ARPP21: variants seen among roughly 807,000 people sequenced by gnomAD.
ARPP21 encodes the protein cAMP-regulated phosphoprotein 21.
ARPP21 carries 69 observed loss-of-function variants against 113.2 expected under a neutral mutation model. The observed-to-expected ratio is 0.61, with a 90% CI of 0.50 to 0.74. ARPP21 has a LOEUF of 0.74. Ranked by LOEUF, ARPP21 falls within the 30% of genes least tolerant of loss-of-function variation. The pLI, the probability that ARPP21 is intolerant of heterozygous loss-of-function variation, is 0.00. For synonymous variants in ARPP21, 368 were observed against 375.5 expected, an observed-to-expected ratio of 0.98 and a Z score of 0.23; for missense variants, 1,070 against 1,037.4, an observed-to-expected ratio of 1.03 and a Z score of -0.43.
chr3:35,745,668 C>T (rs1274755330), intron 19 of ARPP21, among the ~76,000 whole-genome samples: 1 of 152,160 alleles, frequency 6.6e-6, no homozygotes, highest in African/African-American at 2.4e-5. Context: ...AAAGTTTAGG[C>T]CTCCCCCACT....
chr3:35,718,320 A>G (rs1018035156), intron 13 of ARPP21, among the ~76,000 whole-genome samples: 1 of 152,174 alleles, frequency 6.6e-6, no homozygotes, highest in African/African-American at 2.4e-5. Context: ...GTTTATTATG[A>G]AGTCTTCCTT....
intron 16 of ARPP21, 82 bp from the exon 17 acceptor site, chr3:35,738,132 T>C (rs1420787623): frequency 4.7e-6 from 4 of 855,386 alleles, no homozygotes; most frequent in Non-Finnish European, 5.6e-6. Flanking sequence ...CTAGAGAGCC[T>C]ATGAAGGACA....
chr3:35,664,247 CAG>C lies in ARPP21; in HGVS notation c.-212-15537_-212-15536del, dbSNP rs552459059. On this transcript the variant is annotated intron_variant, in intron 1 of 20. Transcript: ENST00000684406. ...TGTATTCATTGTGTAATGATCGAAT[CAG>C]AGTAATTAGCATATCCATCACCTCA... Among the ~76,000 whole-genome samples, 18 of 152,232 alleles carry C rather than the reference CAG, an allele frequency of 1.2e-4. No homozygotes were observed. The South Asian group carries it at 2.3e-3, about 19-fold the overall frequency.
chr3:35,668,018 AAGAAGAAGAAG>A (rs2075280642), intron 1 of ARPP21, among the ~76,000 whole-genome samples: 1 of 136,798 alleles, frequency 7.3e-6, no homozygotes, highest in Non-Finnish European at 1.6e-5. Context: ...GAAGAAGAAG[AAGAAGAAGAAG>A]AAGGAGAAGA....
chr3:35,681,614 T>C, intron 2 of ARPP21, 100 bp from the exon 3 acceptor site: 1 of 644,878 alleles, frequency 1.6e-6, no homozygotes, highest in Admixed American at 3.0e-5. Flanking sequence ...TTCTCAAAAT[T>C]GCTCATTTGG....
At chr3:35,682,949 A>T in intron 4 of ARPP21, 60 bp downstream of exon 4, 1 of 1,457,612 alleles carries the variant, frequency 6.9e-7, no homozygotes, top group Non-Finnish European at 9.4e-7. Context: ...CATATTTTAC[A>T]TCAGAGTTAA....
At chr3:35,643,636 G>A (rs1341643302) in intron 1 of ARPP21, 1 of 152,036 alleles carries the variant, frequency 6.6e-6, no homozygotes, top group Admixed American at 6.5e-5. Context: ...ATACAAGGTA[G>A]CCAGAAGTGA....
intron 1 of ARPP21, among the ~76,000 whole-genome samples, chr3:35,662,820 T>A (rs1708427723): frequency 6.6e-6 from 1 of 151,332 alleles, no homozygotes; most frequent in Admixed American, 6.6e-5. Context: ...GTAAAAAAAA[T>A]TAACAAAGAT....
chr3:35,681,458 G>T (rs761423352), intron 2 of ARPP21: 19 of 276,454 alleles, frequency 6.9e-5, no homozygotes, highest in Non-Finnish European at 1.2e-4. Context: ...GGAGTTATGT[G>T]TCTCTAAGAT....
At chr3:35,739,609 A>T in intron 18 of ARPP21, 32 bp downstream of exon 18, 1 of 1,573,072 alleles carries the variant, frequency 6.4e-7, no homozygotes, top group Non-Finnish European at 8.6e-7. Context: ...TGTGACCTAC[A>T]GCTGATTTCT....
chr3:35,715,682 C>A (rs2092289738), intron 12 of ARPP21: 2 of 382,126 alleles, frequency 5.2e-6, no homozygotes, highest in African/African-American at 2.1e-5. Context: ...TCAGTTAATT[C>A]CAAACAGAAT....
chr3:35,787,961 T>G (rs1170494725), intron 19 of ARPP21, among the ~76,000 whole-genome samples: 1 of 152,190 alleles, frequency 6.6e-6, no homozygotes, highest in Non-Finnish European at 1.5e-5. Context: ...TTTTCTCTTC[T>G]GCAAATGGAG....
chr3:35,683,349 T>C (rs888221128), intron 4 of ARPP21, among the ~76,000 whole-genome samples: 1 of 151,788 alleles, frequency 6.6e-6, no homozygotes. Flanking sequence ...CTCTTCATCC[T>C]TTTAACCATC....
At chr3:35,723,176 A>G (rs551216029) in intron 14 of ARPP21, among the ~76,000 whole-genome samples, 32 of 152,204 alleles carry the variant, frequency 2.1e-4, no homozygotes, top group South Asian at 8.3e-4. Context: ...GAGTTTAGAC[A>G]TGGGCTGCCC....
In ARPP21 at chr3:35,792,620, G is replaced by T. The variant is rs1577103096; in HGVS notation, c.2286+90G>T. ...GGTCTGTCCCTGGTTTGGGTGGCTG[G>T]CTGGGTAATGCGTGCTTGGTCCATA... On this transcript the variant is annotated intron_variant, in intron 20 of 20. Coordinates refer to ENST00000684406, the MANE Select transcript of ARPP21 (RefSeq NM_001385562.1). 5 of 1,129,820 alleles carry T rather than the reference G, an allele frequency of 4.4e-6. 1 individual carries two copies. The highest frequency in any genetic ancestry group is 3.9e-5 in the South Asian group (3 of 77,140). 70.0% of individuals were successfully genotyped at this position (1,129,820 alleles called of 1,614,324 possible).
rs771601376 is a variant in ARPP21 at position 35,681,729 on chromosome 3, T to A, written c.-23T>A. 7 of 1,600,090 alleles carry A rather than the reference T, an allele frequency of 4.4e-6. No individual in the cohort carries two copies. The highest frequency in any genetic ancestry group is 4.3e-6 in the Non-Finnish European group (5 of 1,169,760). On this transcript the variant is annotated 5_prime_UTR_variant, in exon 3 of 21. The change creates a premature stop within an existing upstream ORF in the 5' untranslated region. Coordinates refer to ENST00000684406, the MANE Select transcript of ARPP21 (RefSeq NM_001385562.1). The stretch of plus-strand genomic sequence containing the variant: ...AACCTTCTAGGGCATAAAATCTTGT[T>A]ATTTTAATTTGCATCTGGGAGAATG...
intron 18 of ARPP21, among the ~76,000 whole-genome samples, chr3:35,742,403 G>GT (rs1014595673): frequency 6.6e-6 from 1 of 152,238 alleles, no homozygotes; most frequent in Non-Finnish European, 1.5e-5. Context: ...AGAATTATTT[G>GT]TTTTTTATTG....
intron 19 of ARPP21, among the ~76,000 whole-genome samples, chr3:35,791,984 T>C (rs1004682571): frequency 6.6e-6 from 1 of 152,194 alleles, no homozygotes; most frequent in Non-Finnish European, 1.5e-5. Context: ...AATGAGTCAA[T>C]TTAATTTTAA....
intron 5 of ARPP21, chr3:35,685,107 C>A: frequency 1.0e-6 from 1 of 985,310 alleles, no homozygotes; most frequent in Non-Finnish European, 1.2e-6. Context: ...CCCAGTTGTC[C>A]CCCACTCCTA....
Sources: gnomAD v4.1 joint callset for allele counts (sites outside exome capture counted in the v4.1 genomes callset) on GRCh38, gnomAD v4.1.1 for gene constraint, MANE v1.5 for transcripts, NCBI Gene and HGNC (gene_info 2026-07-23, HGNC 2026-07-21) for gene names.